DMD: variants seen among roughly 807,000 people sequenced by gnomAD.
DMD encodes the protein mutant dystrophin.
DMD carries 63 observed loss-of-function variants against 330.1 expected under a neutral mutation model. The observed-to-expected ratio is 0.19, with a 90% CI of 0.16 to 0.24. DMD has a LOEUF of 0.24. Ranked by LOEUF, DMD falls within the 10% of genes least tolerant of loss-of-function variation. DMD has a pLI of 1.00. For missense variants in DMD, 3,344 were observed against 2,684.1 expected, an observed-to-expected ratio of 1.25 and a Z score of -5.43; for synonymous variants, 1,223 against 959.8, an observed-to-expected ratio of 1.27 and a Z score of -5.07.
chrX:33,107,204 C>T (rs957147837), intron 1 of DMD, among the ~76,000 whole-genome samples: 2 of 108,176 alleles, frequency 1.8e-5, no homozygotes, highest in Non-Finnish European at 3.8e-5. Flanking sequence ...CCCAGCTACT[C>T]GGGAGGCTGA....
At chrX:32,084,389 G>T in intron 44 of DMD, among the ~76,000 whole-genome samples, 2 of 111,130 alleles carry the variant, frequency 1.8e-5, no homozygotes, top group Non-Finnish European at 3.8e-5. Context: ...TTAGGTCCCT[G>T]GTTGGAGTGC....
At chrX:32,082,507 C>T (rs1190229958) in intron 44 of DMD, among the ~76,000 whole-genome samples, 1 of 111,275 alleles carries the variant, frequency 9.0e-6, no homozygotes, top group East Asian at 2.8e-4. Flanking sequence ...ATCCTTACAC[C>T]ACAGCCCCCC....
intron 41 of DMD, among the ~76,000 whole-genome samples, chrX:32,340,088 G>C (rs1470437570): frequency 8.9e-6 from 1 of 111,756 alleles, no homozygotes; most frequent in Non-Finnish European, 1.9e-5. Context: ...CAAGTATAAA[G>C]ATGTATCTTG....
chrX:32,695,391 G>C (rs1254985699), intron 9 of DMD, among the ~76,000 whole-genome samples: 1 of 111,970 alleles, frequency 8.9e-6, no homozygotes, highest in Non-Finnish European at 1.9e-5. Context: ...AACGAGTGAT[G>C]TAATTTGGTT....
chrX:32,646,221 C>G (rs1228714851), intron 9 of DMD, among the ~76,000 whole-genome samples: 10 of 111,420 alleles, frequency 9.0e-5, no homozygotes, highest in Non-Finnish European at 3.8e-5. Context: ...TTGGGATAAA[C>G]TACATGTCTG....
rs55638670 is a variant in DMD, at chrX:31,314,779, A to T, written c.9224+8819T>A. ...GAGAGAGAGAGAGAGAGAGAGAGAGAGTGTTTTACCGTGTTAACATTTTTC... is the reference window on the plus strand; with the variant it reads ...GAGAGAGAGAGAGAGAGAGAGAGAGTGTGTTTTACCGTGTTAACATTTTTC... On this transcript the variant is annotated intron_variant, in intron 62 of 78. Transcript: ENST00000357033. 1.6e-3 allele frequency among the ~76,000 whole-genome samples: 154 copies of T among 93,351 alleles called. 5 individuals carry two copies. The highest frequency in any genetic ancestry group is 3.5e-3 in the African/African-American group (82 of 23,223). The allele number at this position is 93,351 out of a possible 115,157, so 81.1% of individuals were successfully genotyped here.
At chrX:31,266,792 G>A (rs1329920863) in intron 62 of DMD, 4 of 1,194,763 alleles carry the variant, frequency 3.3e-6, no homozygotes, top group South Asian at 3.6e-5. Flanking sequence ...GACGGGGCCG[G>A]GGCCGCGATC....
At chrX:32,591,305 T>A (rs766427607) in intron 13 of DMD, among the ~76,000 whole-genome samples, 34 of 112,354 alleles carry the variant, frequency 3.0e-4, no homozygotes, top group Non-Finnish European at 4.1e-4. Context: ...ACATCTATAG[T>A]TGGCTCTCAA....
intron 7 of DMD, among the ~76,000 whole-genome samples, chrX:32,717,228 C>G (rs1459452919): frequency 9.0e-6 from 1 of 111,512 alleles, no homozygotes; most frequent in Non-Finnish European, 1.9e-5. Context: ...CCCCTCCTAT[C>G]ACAGGTCTGG....
chrX:32,956,266 C>G (rs1038928200), intron 2 of DMD, among the ~76,000 whole-genome samples: 9 of 111,711 alleles, frequency 8.1e-5, no homozygotes, highest in African/African-American at 2.9e-4. Flanking sequence ...AGCAGTGTGG[C>G]CATTTTAATG....
chrX:31,787,635 C>T (rs1299596151), intron 50 of DMD, among the ~76,000 whole-genome samples: 2 of 111,387 alleles, frequency 1.8e-5, no homozygotes, highest in African/African-American at 6.5e-5. Flanking sequence ...TCTTGAACTC[C>T]GTCTTCATAA....
At chrX:32,858,334 T>C (rs905519307) in intron 2 of DMD, among the ~76,000 whole-genome samples, 1 of 112,008 alleles carries the variant, frequency 8.9e-6, no homozygotes, top group African/African-American at 3.2e-5. Context: ...ACTATTTATT[T>C]ATCATTTATT....
At chrX:32,618,552 CTAA>C (rs1271499676) in intron 11 of DMD, among the ~76,000 whole-genome samples, 1 of 110,958 alleles carries the variant, frequency 9.0e-6, no homozygotes, top group Non-Finnish European at 1.9e-5. Context: ...GAAAAAATAA[CTAA>C]TGAGTACTAA....
intron 62 of DMD, among the ~76,000 whole-genome samples, chrX:31,314,032 G>A (rs2055763307): frequency 1.8e-5 from 2 of 110,685 alleles, no homozygotes; most frequent in Non-Finnish European, 3.8e-5. Flanking sequence ...ATGGGGTTTC[G>A]CCATGTTGCC....
At chrX:31,196,281 A>G in intron 67 of DMD, among the ~76,000 whole-genome samples, 1 of 111,483 alleles carries the variant, frequency 9.0e-6, no homozygotes, top group African/African-American at 3.3e-5. Context: ...AGCTATCTCT[A>G]TGGAAGGCTG....
chrX:31,727,753 C>A (rs1045897443), intron 52 of DMD, among the ~76,000 whole-genome samples: 1 of 112,173 alleles, frequency 8.9e-6, no homozygotes, highest in Non-Finnish European at 1.9e-5. Flanking sequence ...TAGCATACAT[C>A]CACATTCATT....
intron 1 of DMD, among the ~76,000 whole-genome samples, chrX:33,064,651 G>A (rs967616956): frequency 1.8e-5 from 2 of 111,845 alleles, no homozygotes; most frequent in Non-Finnish European, 1.9e-5. Flanking sequence ...CACTTTGGGA[G>A]GCTGAGGTGG....
rs1467832279 is a variant in DMD at position 32,600,181 on chromosome X, T to G, written c.1483-4305A>C. On this transcript the variant is annotated intron_variant, in intron 12 of 78. Transcript: ENST00000357033. ...TCCATGTCAAGTTGGTTTTCAAAAG[T>G]GGCTTAGAAAAACCACTGGAGAGCC... Among the ~76,000 whole-genome samples the G allele has an allele frequency of 3.6e-5, 4 of 112,208 alleles. No homozygotes were observed. The East Asian group carries it at 1.1e-3, about 32-fold the overall frequency.
At chrX:33,127,350 TAA>T (rs746302396) in intron 1 of DMD, among the ~76,000 whole-genome samples, 1 of 110,322 alleles carries the variant, frequency 9.1e-6, no homozygotes, top group Non-Finnish European at 1.9e-5. Flanking sequence ...ATTCTATAAT[TAA>T]AAAAAAACCT....
Sources: allele counts gnomAD v4.1 joint callset (sites outside exome capture counted in the v4.1 genomes callset), GRCh38; gene constraint gnomAD v4.1.1; transcripts MANE v1.5; gene names NCBI Gene and HGNC (gene_info 2026-07-23, HGNC 2026-07-21).